The following PHLPP1 variants were observed in gnomAD, a reference collection of about 807,000 sequenced individuals.
The protein encoded by PHLPP1 is PH domain and leucine rich repeat protein phosphatase 1.
A neutral mutation model predicts 117.2 loss-of-function variants in PHLPP1; 42 were observed. The observed-to-expected ratio is 0.36, with a 90% confidence interval of 0.28 to 0.46. The LOEUF (loss-of-function observed/expected upper bound fraction) is 0.46. Among genes scored for constraint, PHLPP1 ranks in the 20% least tolerant of loss-of-function variants. The pLI, the probability that PHLPP1 is intolerant of heterozygous loss-of-function variation, is 1.00. For synonymous variants in PHLPP1, 1,042 were observed against 970.7 expected, an observed-to-expected ratio of 1.07 and a Z score of -1.37; for missense variants, 2,084 against 2,241.9, an observed-to-expected ratio of 0.93 and a Z score of 1.42.
chr18:62,736,033 A>G (rs2122066610), intron 1 of PHLPP1, among the ~76,000 whole-genome samples: 1 of 152,272 alleles, frequency 6.6e-6, no homozygotes, highest in East Asian at 1.9e-4. Flanking sequence ...AACCTCATGG[A>G]TAGCCCAGAG....
Position 62,972,717 on chromosome 18 carries a change from C to A in PHLPP1, c.3755+9C>A. On this transcript the variant is annotated intron_variant, in intron 15 of 16. Transcript: ENST00000262719. ...TTCATTGTCATGCAAAGGTAAAACT[C>A]AGAGTTCCTGCTTACCTGCTGTGTG... 1 of 1,596,794 alleles carries A rather than the reference C, an allele frequency of 6.3e-7. No homozygotes were observed. Among genetic ancestry groups the A allele is most frequent in the South Asian group, 1.1e-5 (1 of 90,310 alleles).
chr18:62,785,628 GA>G (rs1187901174), intron 1 of PHLPP1, among the ~76,000 whole-genome samples: 6 of 152,194 alleles, frequency 3.9e-5, no homozygotes, highest in Admixed American at 2.0e-4. Flanking sequence ...AGCGTAACAT[GA>G]AAGTAGTTTT....
chr18:62,727,789 A>G (rs1198560345), intron 1 of PHLPP1, among the ~76,000 whole-genome samples: 1 of 152,038 alleles, frequency 6.6e-6, no homozygotes, highest in Non-Finnish European at 1.5e-5. Context: ...TAGCCTTACC[A>G]CTGCATTTCT....
intron 1 of PHLPP1, among the ~76,000 whole-genome samples, chr18:62,751,454 A>C (rs1911851957): frequency 6.6e-6 from 1 of 152,204 alleles, no homozygotes; most frequent in African/African-American, 2.4e-5. Context: ...CAAGGGGGAA[A>C]ATGGCAAGCA....
chr18:62,869,388 T>C, intron 4 of PHLPP1, among the ~76,000 whole-genome samples: 1 of 152,212 alleles, frequency 6.6e-6, no homozygotes, highest in Non-Finnish European at 1.5e-5. Context: ...AAGGCAGATA[T>C]GAGTGTATAA....
chr18:62,760,764 T>G (rs1443506237), intron 1 of PHLPP1, among the ~76,000 whole-genome samples: 1 of 152,160 alleles, frequency 6.6e-6, no homozygotes, highest in Non-Finnish European at 1.5e-5. Context: ...TTAAACAAGG[T>G]GGGTTTTTTG....
intron 12 of PHLPP1, among the ~76,000 whole-genome samples, chr18:62,948,490 G>A (rs1279384402): frequency 6.6e-6 from 1 of 152,028 alleles, no homozygotes; most frequent in Non-Finnish European, 1.5e-5. Flanking sequence ...TCTTCTCTCT[G>A]TACCTGCTTT....
intron 1 of PHLPP1, among the ~76,000 whole-genome samples, chr18:62,738,850 A>G (rs1474436579): frequency 6.6e-6 from 1 of 152,256 alleles, no homozygotes; most frequent in Non-Finnish European, 1.5e-5. Context: ...AAAATTGCAG[A>G]TAAGTGCAGA....
At chr18:62,771,129 G>A (rs1240041106) in intron 1 of PHLPP1, among the ~76,000 whole-genome samples, 8 of 150,954 alleles carry the variant, frequency 5.3e-5, no homozygotes, top group East Asian at 3.9e-4. Flanking sequence ...CAGGAAAATC[G>A]CTTGAACCCG....
At chr18:62,932,671 G>T (rs1909849993) in intron 10 of PHLPP1, among the ~76,000 whole-genome samples, 1 of 152,084 alleles carries the variant, frequency 6.6e-6, no homozygotes, top group Admixed American at 6.6e-5. Context: ...TACTGAATGG[G>T]CAAAAGTTGA....
In PHLPP1 at chr18:62,716,678, G is replaced by A; in HGVS notation, c.995G>A (p.Gly332Asp). ...DSSPGEPFVG[G>D]PVSSPRAPRP... ...AGCCCCGGCGAGCCGTTCGTTGGGG[G>A]CCCTGTCTCTTCGCCCCGCGCCCCA... The change falls in exon 1 of 17, where the codon GGC becomes GAC. Residue 332 changes from glycine (G) to aspartate (D), a missense_variant. Around this residue, in one of 2 missense-constraint regions of PHLPP1, gnomAD observed 719 missense variants for 636.0 expected, o/e 1.13. Coordinates refer to ENST00000262719, the MANE Select transcript of PHLPP1 (RefSeq NM_194449.4). This position sits in a 1 kb window ranked among gnomAD's most constrained non-coding sequence, Gnocchi z 5.7. The A allele has an allele frequency of 1.4e-6, 2 of 1,463,396 alleles. No individual in the cohort carries two copies. Among genetic ancestry groups the A allele is most frequent in the African/African-American group, 1.5e-5 (1 of 67,870 alleles). 90.7% of individuals were successfully genotyped at this position (1,463,396 alleles called of 1,614,324 possible).
chr18:62,940,895 C>A (rs1225996400), intron 10 of PHLPP1, among the ~76,000 whole-genome samples: 2 of 152,216 alleles, frequency 1.3e-5, no homozygotes, highest in African/African-American at 4.8e-5. Context: ...CTCCTGGATA[C>A]TGCCTCCTTT....
At chr18:62,816,375 G>A (rs1458512540) in intron 1 of PHLPP1, among the ~76,000 whole-genome samples, 4 of 152,042 alleles carry the variant, frequency 2.6e-5, no homozygotes. Context: ...ACCAGCCCAA[G>A]TAACACTGTG....
At chr18:62,877,270 T>C (rs1916070769) in intron 4 of PHLPP1, among the ~76,000 whole-genome samples, 1 of 152,256 alleles carries the variant, frequency 6.6e-6, no homozygotes, top group Non-Finnish European at 1.5e-5. Flanking sequence ...ATTTTAGTTT[T>C]TGTTTTTATA....
chr18:62,725,132 G>A (rs1387769708), intron 1 of PHLPP1, among the ~76,000 whole-genome samples: 1 of 152,118 alleles, frequency 6.6e-6, no homozygotes, highest in Non-Finnish European at 1.5e-5. Flanking sequence ...GCTGAGTCGG[G>A]CAGATCACCT....
At chr18:62,774,836 C>G (rs1362719757) in intron 1 of PHLPP1, among the ~76,000 whole-genome samples, 1 of 150,876 alleles carries the variant, frequency 6.6e-6, no homozygotes, top group Non-Finnish European at 1.5e-5. Context: ...GAAATGGGAA[C>G]AAACAAAAAT....
chr18:62,920,818 C>G (rs1050722865), intron 10 of PHLPP1, among the ~76,000 whole-genome samples: 4 of 152,210 alleles, frequency 2.6e-5, no homozygotes, highest in African/African-American at 9.6e-5. Context: ...ACCTTGGCCT[C>G]CCAAAATACT....
At chr18:62,777,103 T>A (rs754110353) in intron 1 of PHLPP1, among the ~76,000 whole-genome samples, 1 of 152,376 alleles carries the variant, frequency 6.6e-6, no homozygotes, top group Admixed American at 6.5e-5. Flanking sequence ...GATGTTCGTT[T>A]AATTTTAAAG....
chr18:62,731,084 T>TG (rs1480039986), intron 1 of PHLPP1: 1 of 152,244 alleles, frequency 6.6e-6, no homozygotes, highest in African/African-American at 2.4e-5. Context: ...TCTTACAAAT[T>TG]GAAGGTTTGT....
Sources: allele counts gnomAD v4.1 joint callset (sites outside exome capture counted in the v4.1 genomes callset), GRCh38; gene constraint gnomAD v4.1.1; regional missense constraint gnomAD v4.1.1; non-coding constraint Gnocchi (gnomAD v3.1); transcripts MANE v1.5; gene names NCBI Gene and HGNC (gene_info 2026-07-23, HGNC 2026-07-21).